Variants in CRTAC1 observed in about 807,000 individuals in gnomAD.
The protein encoded by CRTAC1 is cartilage acidic protein 1, also known as acidic secreted protein in cartilage.
A neutral mutation model predicts 67.8 loss-of-function variants in CRTAC1; 37 were observed. That is an observed-to-expected ratio of 0.55 (90% CI 0.42 to 0.72). The LOEUF (loss-of-function observed/expected upper bound fraction) is 0.72, where lower values mean the gene tolerates loss of function less well. Ranked by LOEUF, CRTAC1 falls within the 30% of genes least tolerant of loss-of-function variation. The pLI is 0.00. For synonymous variants in CRTAC1, 348 were observed against 371.0 expected, an observed-to-expected ratio of 0.94 and a Z score of 0.71; for missense variants, 780 against 931.6, an observed-to-expected ratio of 0.84 and a Z score of 2.12.
rs772745247 is a variant in CRTAC1 at position 97,895,880 on chromosome 10, C to T, written c.1317+5G>A. ...GGATCTGTGGCTCCTGAGGTCTTAG[C>T]GCACCTGATTGCCCCGGAAGACGGA... On this transcript the variant is annotated splice_donor_5th_base_variant and intron_variant, in intron 10 of 14. Coordinates refer to ENST00000370597, the MANE Select transcript of CRTAC1 (RefSeq NM_018058.7). This position sits in a 1 kb window ranked among gnomAD's most constrained non-coding sequence, Gnocchi z 4.2. The T allele has an allele frequency of 1.1e-5, 17 of 1,610,374 alleles. No homozygotes were observed. The highest frequency in any genetic ancestry group is 4.5e-5 in the East Asian group (2 of 44,794).
chr10:98,018,231 A>AAGAG (rs751415654), intron 1 of CRTAC1, among the ~76,000 whole-genome samples: 10 of 142,160 alleles, frequency 7.0e-5, no homozygotes, highest in African/African-American at 2.8e-4. Flanking sequence ...AAAAAAAAAA[A>AAGAG]AGAGAGAGAG....
At chr10:97,927,009 C>T (rs2050931221) in intron 3 of CRTAC1, among the ~76,000 whole-genome samples, 2 of 152,222 alleles carry the variant, frequency 1.3e-5, no homozygotes, top group Non-Finnish European at 2.9e-5. Flanking sequence ...CTGGGTCACA[C>T]TCCACTGAAG....
intron 5 of CRTAC1, among the ~76,000 whole-genome samples, chr10:97,914,002 T>C (rs377737281): frequency 1.2e-3 from 186 of 152,336 alleles, no homozygotes; most frequent in African/African-American, 3.8e-3. Context: ...ACATCATAAA[T>C]CCACCTTCAT....
chr10:97,996,714 C>G (rs1265791791), intron 2 of CRTAC1, among the ~76,000 whole-genome samples: 1 of 152,136 alleles, frequency 6.6e-6, no homozygotes, highest in Non-Finnish European at 1.5e-5. Context: ...TACCATTTGA[C>G]CCAGCCATCC....
chr10:97,898,964 C>A (rs116371054), intron 8 of CRTAC1, among the ~76,000 whole-genome samples: 3,277 of 152,140 alleles, frequency 0.022, 110 homozygotes, highest in African/African-American at 0.072. Flanking sequence ...TGTTTGGGTG[C>A]TGAGTTCCCT....
chr10:97,937,491 C>T (rs1182844889), intron 2 of CRTAC1, among the ~76,000 whole-genome samples: 3 of 152,244 alleles, frequency 2.0e-5, no homozygotes, highest in African/African-American at 7.2e-5. Context: ...TCTGGTCCCA[C>T]TAGAATGTCT....
Position 97,936,152 on chromosome 10 carries a change from C to T in CRTAC1, c.421+18G>A, listed in dbSNP as rs768797041. On this transcript the variant is annotated intron_variant, in intron 3 of 14. Coordinates refer to ENST00000370597, the MANE Select transcript of CRTAC1 (RefSeq NM_018058.7). ...GAGAAGATGGGAAGCAGGAAGAGGC[C>T]TGAGCCCCAGCCCTTACCCGAGAAG... 1.3e-6 allele frequency: 2 copies of T among 1,578,606 alleles called. No individual in the cohort carries two copies. The highest frequency in any genetic ancestry group is 2.3e-5 in the South Asian group (2 of 86,436).
intron 14 of CRTAC1, chr10:97,869,525 T>C (rs1044697555): frequency 2.6e-5 from 4 of 152,570 alleles, no homozygotes; most frequent in Admixed American, 6.5e-5. Flanking sequence ...CTGCTGCACA[T>C]GCTCCTCTCC....
At chr10:97,971,778 T>C (rs2051716604) in intron 2 of CRTAC1, among the ~76,000 whole-genome samples, 5 of 152,214 alleles carry the variant, frequency 3.3e-5, no homozygotes, top group Admixed American at 3.3e-4. Flanking sequence ...GGAAGTGTGA[T>C]GCATGTTTTT....
intron 7 of CRTAC1, among the ~76,000 whole-genome samples, chr10:97,904,313 C>T (rs2050579855): frequency 6.6e-6 from 1 of 152,208 alleles, no homozygotes; most frequent in Admixed American, 6.5e-5. Context: ...TTGAGCCCTG[C>T]TCAGCCTGGT....
intron 2 of CRTAC1, among the ~76,000 whole-genome samples, chr10:97,941,529 A>G (rs2051176279): frequency 6.6e-6 from 1 of 151,940 alleles, no homozygotes; most frequent in African/African-American, 2.4e-5. Context: ...CCAATAGAAC[A>G]TGTTCAAAGT....
intron 2 of CRTAC1, among the ~76,000 whole-genome samples, chr10:97,998,457 G>A (rs1289308578): frequency 6.6e-6 from 1 of 152,118 alleles, no homozygotes; most frequent in African/African-American, 2.4e-5. Flanking sequence ...CAAAGGAATG[G>A]CGTTAGTAAT....
intron 14 of CRTAC1, chr10:97,867,548 G>C (rs954367829): frequency 2.0e-5 from 3 of 152,312 alleles, no homozygotes; most frequent in Admixed American, 2.0e-4. Context: ...AGTGAGTCCT[G>C]GTCCAAGGAT....
At chr10:97,952,124 G>A (rs554227677) in intron 2 of CRTAC1, among the ~76,000 whole-genome samples, 10 of 152,104 alleles carry the variant, frequency 6.6e-5, no homozygotes, top group South Asian at 2.1e-4. Context: ...AGGCCGAGGC[G>A]GGCAGATCAC....
chr10:97,895,949 A>G lies in CRTAC1; in HGVS notation c.1253T>C (p.Leu418Pro). 3 of 1,614,156 alleles carry G rather than the reference A, an allele frequency of 1.9e-6. No individual in the cohort carries two copies. Among genetic ancestry groups the G allele is most frequent in the Non-Finnish European group, 2.5e-6 (3 of 1,179,986 alleles). Residue 418 changes from leucine to proline, a missense_variant, in exon 10 of 15, where the codon CTG (leucine) becomes CCG (proline). Transcript: ENST00000370597. This position sits in a 1 kb window ranked among gnomAD's most constrained non-coding sequence, Gnocchi z 4.2. Reference sequence around the variant, plus strand: ...CTCTCCATGGGACAAGATGAGGTCCAGCATCCCGTCTCCGTCGAAGTCGGT... The same window carrying G: ...CTCTCCATGGGACAAGATGAGGTCCGGCATCCCGTCTCCGTCGAAGTCGGT... ...VVTDFDGDGMLDLILSHGESM... is the reference protein window; with the variant it reads ...VVTDFDGDGMPDLILSHGESM...
intron 2 of CRTAC1, among the ~76,000 whole-genome samples, chr10:98,001,252 A>G (rs1403063536): frequency 6.6e-6 from 1 of 152,212 alleles, no homozygotes; most frequent in Non-Finnish European, 1.5e-5. Flanking sequence ...GGCCAAGCAG[A>G]AAAATATAAT....
At chr10:97,904,583 C>A in intron 7 of CRTAC1, 86 bp downstream of exon 7, 2 of 1,373,226 alleles carry the variant, frequency 1.5e-6, no homozygotes, top group South Asian at 1.7e-5. Context: ...CCACACCTGG[C>A]CAATTTTTGG....
intron 2 of CRTAC1, among the ~76,000 whole-genome samples, chr10:97,939,440 C>T (rs1030369964): frequency 9.2e-5 from 14 of 152,158 alleles, no homozygotes; most frequent in Admixed American, 6.5e-4. Flanking sequence ...GACACTCTGG[C>T]CCTCATCTCC....
At chr10:97,948,235 A>G (rs1362096000) in intron 2 of CRTAC1, among the ~76,000 whole-genome samples, 2 of 152,208 alleles carry the variant, frequency 1.3e-5, no homozygotes, top group Admixed American at 6.5e-5. Flanking sequence ...GGTTAAAATA[A>G]GAGGGGTAGC....
Sources: allele counts gnomAD v4.1 joint callset (sites outside exome capture counted in the v4.1 genomes callset), GRCh38; gene constraint gnomAD v4.1.1; non-coding constraint Gnocchi (gnomAD v3.1); transcripts MANE v1.5; gene names NCBI Gene and HGNC (gene_info 2026-07-23, HGNC 2026-07-21).